Variants in PRKN observed in about 807,000 individuals in gnomAD.
The protein encoded by PRKN is E3 ubiquitin-protein ligase parkin.
PRKN carries 56 observed loss-of-function variants against 59.5 expected under a neutral mutation model. The ratio of observed to expected loss-of-function variants is 0.94; its 90% CI spans 0.76 to 1.18. The LOEUF is 1.18. Among genes scored for constraint, PRKN ranks in the 50% most tolerant of loss-of-function variants. The pLI is 0.00. For missense variants in PRKN, 657 were observed against 596.4 expected, an observed-to-expected ratio of 1.10 and a Z score of -1.06; for synonymous variants, 250 against 222.1, an observed-to-expected ratio of 1.13 and a Z score of -1.12.
At chr6:161,761,296 C>G (rs2128198603) in intron 7 of PRKN, among the ~76,000 whole-genome samples, 1 of 152,190 alleles carries the variant, frequency 6.6e-6, no homozygotes, top group South Asian at 2.1e-4. Flanking sequence ...ATGACTAGCA[C>G]TGTGGCCGAG....
intron 7 of PRKN, among the ~76,000 whole-genome samples, chr6:161,724,220 G>A (rs1375408960): frequency 2.6e-5 from 4 of 152,216 alleles, no homozygotes; most frequent in Non-Finnish European, 5.9e-5. Context: ...CGGCTGAAGA[G>A]CTAATAGCTC....
At chr6:162,175,720 G>A (rs1175944933) in intron 4 of PRKN, among the ~76,000 whole-genome samples, 1 of 152,126 alleles carries the variant, frequency 6.6e-6, no homozygotes, top group East Asian at 1.9e-4. Context: ...TAGGGCCACT[G>A]GTCCACGGGA....
At chr6:161,848,842 T>C (rs1205231893) in intron 6 of PRKN, among the ~76,000 whole-genome samples, 1 of 152,186 alleles carries the variant, frequency 6.6e-6, no homozygotes, top group African/African-American at 2.4e-5. Context: ...TGAAAACTAA[T>C]TGGAATTTTA....
At chr6:161,757,871 C>CTCTCTCTCTCTCTCTCTCTCTT (rs1380898753) in intron 7 of PRKN, among the ~76,000 whole-genome samples, 1 of 97,982 alleles carries the variant, frequency 1.0e-5, no homozygotes, top group Admixed American at 1.2e-4. Context: ...CTCTCTCTCT[C>CTCTCTCTCTCTCTCTCTCTCTT]TGTGTATATA....
chr6:162,240,418 A>G (rs918522008), intron 3 of PRKN, among the ~76,000 whole-genome samples: 1 of 152,112 alleles, frequency 6.6e-6, no homozygotes, highest in South Asian at 2.1e-4. Context: ...TTTAAGAGGA[A>G]TTTCATCATT....
At chr6:161,501,533 T>A (rs1330964764) in intron 9 of PRKN, among the ~76,000 whole-genome samples, 1 of 152,152 alleles carries the variant, frequency 6.6e-6, no homozygotes, top group Admixed American at 6.5e-5. Context: ...CTTTATCCGA[T>A]AGGTCTTTTG....
At chr6:162,232,520 T>C (rs1176730736) in intron 3 of PRKN, among the ~76,000 whole-genome samples, 3 of 152,214 alleles carry the variant, frequency 2.0e-5, no homozygotes, top group Non-Finnish European at 4.4e-5. Flanking sequence ...GGTGGATTAA[T>C]TGCTTTTCCT....
At chr6:162,320,593 T>C (rs1044860024) in intron 2 of PRKN, among the ~76,000 whole-genome samples, 4 of 151,674 alleles carry the variant, frequency 2.6e-5, no homozygotes, top group Non-Finnish European at 5.9e-5. Flanking sequence ...ATAAAAAGAC[T>C]ATTTCAAGAA....
At chr6:162,114,374 A>G (rs1309153122) in intron 4 of PRKN, among the ~76,000 whole-genome samples, 3 of 151,126 alleles carry the variant, frequency 2.0e-5, no homozygotes, top group Non-Finnish European at 1.5e-5. Flanking sequence ...ATTTGTTTGT[A>G]TCCTCTTTTA....
In PRKN at chr6:161,388,259, C is replaced by A. The variant is rs947757673; in HGVS notation, c.1084-1382G>T. On this transcript the variant is annotated intron_variant, in intron 9 of 11. Transcript: ENST00000366898. The surrounding 1 kb of genome is among the most constrained non-coding windows in gnomAD (Gnocchi z 4.3). ...AACAGCGATAGCTTTCTCATATGAC[C>A]CCTGGGAGAGGTAGTGAGATAGCAC... Among the ~76,000 whole-genome samples the A allele has an allele frequency of 2.6e-5, 4 of 152,132 alleles. No homozygotes were observed. The highest frequency in any genetic ancestry group is 6.5e-5 in the Admixed American group (1 of 15,286).
chr6:161,644,575 C>T (rs1783856163), intron 7 of PRKN, among the ~76,000 whole-genome samples: 1 of 152,204 alleles, frequency 6.6e-6, no homozygotes, highest in African/African-American at 2.4e-5. Context: ...TCTCCCAGGT[C>T]CAAGTGTGGG....
chr6:162,562,005 G>T (rs997967038), intron 1 of PRKN, among the ~76,000 whole-genome samples: 2 of 152,082 alleles, frequency 1.3e-5, no homozygotes, highest in Admixed American at 1.3e-4. Context: ...CTAATCCCAG[G>T]CTGCACAGTT....
intron 1 of PRKN, among the ~76,000 whole-genome samples, chr6:162,566,908 A>G (rs933110057): frequency 6.6e-6 from 1 of 152,128 alleles, no homozygotes; most frequent in Non-Finnish European, 1.5e-5. Context: ...TGAATTCAAC[A>G]TTACATCAGA....
intron 8 of PRKN, among the ~76,000 whole-genome samples, chr6:161,567,010 T>C (rs183229936): frequency 6.9e-4 from 101 of 146,642 alleles, no homozygotes; most frequent in African/African-American, 2.4e-3. Context: ...TCCTCCAGTA[T>C]TCACTGTCCT....
intron 2 of PRKN, among the ~76,000 whole-genome samples, chr6:162,284,465 C>T (rs1412770026): frequency 6.6e-6 from 1 of 151,906 alleles, no homozygotes. Flanking sequence ...CTCAGGTGAT[C>T]CACCTGCCTC....
At chr6:162,072,515 C>G (rs1778622934) in intron 4 of PRKN, among the ~76,000 whole-genome samples, 1 of 152,184 alleles carries the variant, frequency 6.6e-6, no homozygotes, top group Admixed American at 6.5e-5. Context: ...AAGATGATTT[C>G]TCAGATACTG....
chr6:162,516,235 G>T (rs919933186), intron 1 of PRKN, among the ~76,000 whole-genome samples: 2 of 152,068 alleles, frequency 1.3e-5, no homozygotes, highest in African/African-American at 4.8e-5. Flanking sequence ...CTGCCATCTG[G>T]CCAGGTGTCC....
intron 5 of PRKN, among the ~76,000 whole-genome samples, chr6:161,987,029 T>C (rs1020406173): frequency 4.6e-5 from 7 of 152,198 alleles, no homozygotes; most frequent in South Asian, 4.1e-4. Context: ...CTTTAGCAAG[T>C]AGAATTTAAA....
intron 6 of PRKN, among the ~76,000 whole-genome samples, chr6:161,920,344 A>C (rs1289771127): frequency 6.6e-6 from 1 of 152,028 alleles, no homozygotes; most frequent in African/African-American, 2.4e-5. Context: ...AGATTGTGCC[A>C]CTGCACTCCA....
Sources: allele counts gnomAD v4.1 joint callset (sites outside exome capture counted in the v4.1 genomes callset), GRCh38; gene constraint gnomAD v4.1.1; non-coding constraint Gnocchi (gnomAD v3.1); transcripts MANE v1.5; gene names NCBI Gene and HGNC (gene_info 2026-07-23, HGNC 2026-07-21).